The following GON4L variants were observed in gnomAD, a reference collection of about 807,000 sequenced individuals.
The protein encoded by GON4L is GON-4-like protein.
Under a neutral mutation model 211.8 loss-of-function variants are expected in GON4L, and 87 were observed. The ratio of observed to expected loss-of-function variants is 0.41; its 90% CI spans 0.35 to 0.49. The LOEUF (loss-of-function observed/expected upper bound fraction) is 0.49, where lower values mean the gene tolerates loss of function less well. Ranked by LOEUF, GON4L falls within the 20% of genes least tolerant of loss-of-function variation. The pLI is 0.15. For missense variants in GON4L, 2,155 were observed against 2,659.5 expected (o/e 0.81, Z 4.17); for synonymous variants, 875 against 962.6 (o/e 0.91, Z 1.68).
Position 155,766,603 on chromosome 1 carries a change from T to A in GON4L, c.2870A>T (p.Glu957Val). Reference protein sequence around the residue: ...TTEINSDRSLEKDNLELGSES... With the variant: ...TTEINSDRSLVKDNLELGSES... Reference sequence around the variant, plus strand: ...ACTCCCCAACTCCAAATTGTCTTTTTCTAGGCTTCGATCTGAGTTGATCTC... The same window carrying A: ...ACTCCCCAACTCCAAATTGTCTTTTACTAGGCTTCGATCTGAGTTGATCTC... Residue 957 changes from glutamate to valine, a missense_variant, in exon 21 of 32, where the codon GAA becomes GTA. Physicochemically the swap from Glu to Val is moderately radical, Grantham distance 121. This residue lies in a region of GON4L where 615 missense variants were observed against 625.7 expected (regional missense o/e 0.98). Coordinates refer to ENST00000368331, the MANE Select transcript of GON4L (RefSeq NM_001282860.2). 1 of 1,614,182 alleles carries A rather than the reference T, an allele frequency of 6.2e-7. No individual in the cohort carries two copies. Among genetic ancestry groups the A allele is most frequent in the East Asian group, 2.2e-5 (1 of 44,884 alleles).
chr1:155,828,194 A>G (rs964397892), intron 2 of GON4L, among the ~76,000 whole-genome samples: 2 of 151,980 alleles, frequency 1.3e-5, no homozygotes, highest in Non-Finnish European at 2.9e-5. Flanking sequence ...ATATTCATGT[A>G]GTATTAAAAG....
At chr1:155,855,541 T>C (rs537719868) in intron 1 of GON4L, among the ~76,000 whole-genome samples, 18 of 152,254 alleles carry the variant, frequency 1.2e-4, no homozygotes, top group African/African-American at 3.1e-4. Context: ...TTGGGTATTG[T>C]AGATACTCAA....
At chr1:155,825,646 C>T (rs1311530562) in intron 3 of GON4L, among the ~76,000 whole-genome samples, 1 of 151,830 alleles carries the variant, frequency 6.6e-6, no homozygotes, top group African/African-American at 2.4e-5. Flanking sequence ...CCTGTCATCC[C>T]AACACTTTGG....
chr1:155,795,660 G>A (rs1185327880), intron 11 of GON4L, among the ~76,000 whole-genome samples: 2 of 151,760 alleles, frequency 1.3e-5, no homozygotes, highest in Non-Finnish European at 2.9e-5. Flanking sequence ...TTTTTTTTGA[G>A]ACAGGGTCTC....
At chr1:155,784,196 G>T in intron 13 of GON4L, 107 bp from the exon 14 acceptor site, 1 of 1,454,450 alleles carries the variant, frequency 6.9e-7, no homozygotes, top group Non-Finnish European at 9.6e-7. Flanking sequence ...CTATAATAAT[G>T]CTGGCACCCA....
At chr1:155,847,415 C>T (rs1671349634) in intron 2 of GON4L, among the ~76,000 whole-genome samples, 1 of 151,936 alleles carries the variant, frequency 6.6e-6, no homozygotes, top group Non-Finnish European at 1.5e-5. Flanking sequence ...ATTAAAAATA[C>T]AAAAAAAGCC....
intron 1 of GON4L, among the ~76,000 whole-genome samples, chr1:155,856,403 C>CTTT (rs111851717): frequency 4.2e-5 from 6 of 143,292 alleles, no homozygotes; most frequent in Non-Finnish European, 7.7e-5. Flanking sequence ...GACTTTTTTT[C>CTTT]TTTTTTTTTT....
rs937785589 is a variant in GON4L at position 155,853,953 on chromosome 1, C to T, written c.-26-147G>A. 6 of 644,172 alleles carry T rather than the reference C, an allele frequency of 9.3e-6. No individual in the cohort carries two copies. The Admixed American group carries it at 1.0e-4, about 11-fold the overall frequency. The allele number at this position is 644,172 out of a possible 1,614,324, so 39.9% of individuals were successfully genotyped here. ...TTCCCTTTAGGTGGAAGTTGAGAGA[C>T]AGTGGTTAAGTGACTGAGTTCAAAT... On this transcript the variant is annotated intron_variant, in intron 1 of 31. Transcript: ENST00000368331.
chr1:155,847,068 T>C (rs1351286627), intron 2 of GON4L, among the ~76,000 whole-genome samples: 1 of 152,188 alleles, frequency 6.6e-6, no homozygotes, highest in Non-Finnish European at 1.5e-5. Flanking sequence ...TTTCAGTCTG[T>C]TTCTGGTAAT....
intron 24 of GON4L, 123 bp downstream of exon 24, chr1:155,760,321 C>T (rs1661659902): frequency 1.6e-6 from 1 of 619,164 alleles, no homozygotes; most frequent in East Asian, 2.7e-5. Context: ...TCACTCTGGG[C>T]TAGGGGATGG....
chr1:155,779,935 T>C (rs1664239276), intron 14 of GON4L, among the ~76,000 whole-genome samples: 1 of 152,092 alleles, frequency 6.6e-6, no homozygotes, highest in African/African-American at 2.4e-5. Context: ...GTAGCTGGTA[T>C]TACAGGCACG....
intron 14 of GON4L, 115 bp from the exon 15 acceptor site, chr1:155,777,935 C>T (rs979466520): frequency 4.4e-5 from 32 of 733,154 alleles, no homozygotes; most frequent in Non-Finnish European, 7.9e-5. Context: ...TACTAATCCC[C>T]CATCTCACTT....
chr1:155,751,659 A>C, intron 31 of GON4L, 108 bp downstream of exon 31: 1 of 771,276 alleles, frequency 1.3e-6, no homozygotes, highest in Non-Finnish European at 2.2e-6. Flanking sequence ...AACCTTTACA[A>C]AAACCACTTA....
In GON4L at chr1:155,766,286, C is replaced by T; in HGVS notation, c.3187G>A (p.Gly1063Ser). The change falls in exon 21 of 32, where the codon GGT becomes AGT. Residue 1063 changes from glycine (G) to serine (S), a missense_variant. By Grantham distance (56) the Gly-to-Ser change is moderately conservative. Transcript: ENST00000368331. ...PGVPPLGVSGGESFESPAALP... is the reference protein window; with the variant it reads ...PGVPPLGVSGSESFESPAALP... ...GCTGCAGGAGACTCAAAACTCTCAC[C>T]TCCACTGACCCCCAGTGGAGGGACA... 3 of 1,614,152 alleles carry T rather than the reference C, an allele frequency of 1.9e-6. No homozygotes were observed. The highest frequency in any genetic ancestry group is 1.6e-4 in the Middle Eastern group (1 of 6,062).
downstream of GON4L, chr1:155,747,942 G>A (rs768682909): frequency 6.4e-7 from 1 of 1,560,784 alleles, no homozygotes; most frequent in South Asian, 1.2e-5. Flanking sequence ...CATTGGGAGA[G>A]TGGCTTAATG....
rs1467797776 is a variant in GON4L, at chr1:155,757,056, C to A, written c.5419G>T (p.Ala1807Ser). The A allele has an allele frequency of 2.5e-6, 4 of 1,613,772 alleles. No homozygotes were observed. The African/African-American group carries it at 4.0e-5, about 16-fold the overall frequency. Residue 1807 changes from alanine (A) to serine (S), a missense_variant, in exon 27 of 32, where the codon GCC (alanine) becomes TCC (serine). Coordinates refer to ENST00000368331, the MANE Select transcript of GON4L (RefSeq NM_001282860.2). ...TCCTCTTCTTCCACATCAGGCAGGG[C>A]CACTTCTTCAAAGCCATCAAACTGA... ...EYEFDGFEEV[A>S]LPDVEEEEEP...
At chr1:155,831,307 TTA>T (rs1669741503) in intron 2 of GON4L, among the ~76,000 whole-genome samples, 1 of 151,694 alleles carries the variant, frequency 6.6e-6, no homozygotes, top group South Asian at 2.1e-4. Context: ...TAAAAAAAAG[TTA>T]TGTGTGGCTT....
intron 3 of GON4L, among the ~76,000 whole-genome samples, chr1:155,824,600 G>A (rs1317686622): frequency 1.3e-5 from 2 of 150,818 alleles, no homozygotes; most frequent in African/African-American, 2.4e-5. Context: ...AAAATTAGCA[G>A]AGGAGTGGTG....
intron 14 of GON4L, among the ~76,000 whole-genome samples, chr1:155,783,481 C>T (rs530472683): frequency 6.6e-6 from 1 of 152,288 alleles, no homozygotes; most frequent in South Asian, 2.1e-4. Flanking sequence ...AAATTAAAGC[C>T]TCTACTTTCT....
Sources: allele counts gnomAD v4.1 joint callset (sites outside exome capture counted in the v4.1 genomes callset), GRCh38; gene constraint gnomAD v4.1.1; regional missense constraint gnomAD v4.1.1; transcripts MANE v1.5; gene names NCBI Gene and HGNC (gene_info 2026-07-23, HGNC 2026-07-21).